The following PDE1C variants were observed in gnomAD, a reference collection of about 807,000 sequenced individuals.
PDE1C encodes dual specificity calcium/calmodulin-dependent 3',5'-cyclic nucleotide phosphodiesterase 1C.
A neutral mutation model predicts 93.1 loss-of-function variants in PDE1C; 62 were observed. The observed-to-expected ratio is 0.67, with a 90% CI of 0.54 to 0.82. The LOEUF (loss-of-function observed/expected upper bound fraction) is 0.82, where lower values mean the gene tolerates loss of function less well. PDE1C is among the 40% of genes least tolerant of loss of function. The pLI, the probability that PDE1C is intolerant of heterozygous loss-of-function variation, is 0.00. For missense variants in PDE1C, 742 were observed against 884.6 expected, an observed-to-expected ratio of 0.84 and a Z score of 2.04; for synonymous variants, 325 against 310.1, an observed-to-expected ratio of 1.05 and a Z score of -0.50.
At chr7:32,209,184 G>A (rs770397691) in intron 2 of PDE1C, among the ~76,000 whole-genome samples, 3 of 152,168 alleles carry the variant, frequency 2.0e-5, no homozygotes, top group African/African-American at 7.2e-5. Flanking sequence ...GTGGTCGGGG[G>A]ACTGAGGCTT....
At chr7:31,872,518 A>G (rs779380502) in intron 6 of PDE1C, among the ~76,000 whole-genome samples, 4 of 152,146 alleles carry the variant, frequency 2.6e-5, no homozygotes, top group Non-Finnish European at 5.9e-5. Context: ...CAATATTTGT[A>G]CCAATTAAAA....
At chr7:31,915,675 C>G (rs1801801618) in intron 2 of PDE1C, among the ~76,000 whole-genome samples, 1 of 152,064 alleles carries the variant, frequency 6.6e-6, no homozygotes, top group Non-Finnish European at 1.5e-5. Context: ...ACAGAGGTTA[C>G]TGTGATAATT....
chr7:31,672,950 T>G, the PDE1C span, among the ~76,000 whole-genome samples: 2 of 152,198 alleles, frequency 1.3e-5, no homozygotes, highest in Non-Finnish European at 2.9e-5. Context: ...GTTTGATAAG[T>G]GTCTTGTGCC....
intron 3 of PDE1C, among the ~76,000 whole-genome samples, chr7:32,112,828 G>T (rs957553385): frequency 3.2e-4 from 27 of 85,438 alleles, no homozygotes; most frequent in Admixed American, 1.6e-3. Flanking sequence ...GTGTGTGTGT[G>T]TGTGTGTGTG....
chr7:31,627,801 C>T, the PDE1C span, among the ~76,000 whole-genome samples: 1 of 151,596 alleles, frequency 6.6e-6, no homozygotes, highest in African/African-American at 2.4e-5. Flanking sequence ...AAAACAAAAA[C>T]TTCCTTTTTA....
At chr7:32,200,468 T>C (rs1804930536) in intron 2 of PDE1C, among the ~76,000 whole-genome samples, 1 of 152,230 alleles carries the variant, frequency 6.6e-6, no homozygotes, top group South Asian at 2.1e-4. Flanking sequence ...TACCCCTCTA[T>C]GCTAATGGGT....
In PDE1C at chr7:31,982,476, C is replaced by T. The variant is rs78191165; in HGVS notation, c.128+69078G>A. ...GGAAGATGAAAGGATAAAGGTAAAT[C>T]CAATTTACACAAGAATCAATACTGT... On this transcript the variant is annotated intron_variant, in intron 2 of 17. Transcript: ENST00000396191. Among the ~76,000 whole-genome samples the T allele has an allele frequency of 7.7e-3, 1,165 of 152,114 alleles. 16 individuals carry two copies. The highest frequency in any genetic ancestry group is 0.027 in the African/African-American group (1,112 of 41,502).
chr7:32,193,533 A>G (rs757651520), intron 2 of PDE1C, among the ~76,000 whole-genome samples: 2 of 152,152 alleles, frequency 1.3e-5, no homozygotes, highest in Non-Finnish European at 2.9e-5. Flanking sequence ...TGTTTTATAT[A>G]TTATTGAATT....
the PDE1C span, among the ~76,000 whole-genome samples, chr7:31,702,430 G>A: frequency 2.0e-5 from 3 of 152,204 alleles, no homozygotes; most frequent in African/African-American, 7.2e-5. Flanking sequence ...TCCTACCTAG[G>A]TTAATCCTCT....
intron 1 of PDE1C, among the ~76,000 whole-genome samples, chr7:32,384,862 T>C (rs1016231594): frequency 4.6e-5 from 7 of 152,196 alleles, no homozygotes; most frequent in African/African-American, 9.7e-5. Flanking sequence ...GGATTCTGCA[T>C]TTTTAATGAG....
chr7:32,090,405 C>A (rs1003605932), intron 3 of PDE1C, among the ~76,000 whole-genome samples: 2 of 152,178 alleles, frequency 1.3e-5, no homozygotes, highest in Admixed American at 6.5e-5. Context: ...GAGCAAGCCT[C>A]TAAATTCCAG....
intron 2 of PDE1C, among the ~76,000 whole-genome samples, chr7:31,922,680 G>A (rs1802774642): frequency 6.6e-6 from 1 of 152,166 alleles, no homozygotes; most frequent in African/African-American, 2.4e-5. Flanking sequence ...TGTATGAACT[G>A]CATCCTGTTT....
intron 16 of PDE1C, chr7:31,788,742 C>T (rs1368557795): frequency 6.6e-6 from 1 of 152,126 alleles, no homozygotes; most frequent in African/African-American, 2.4e-5. Flanking sequence ...ACAGGGAGCA[C>T]AACAGAAAAA....
intron 2 of PDE1C, among the ~76,000 whole-genome samples, chr7:31,972,717 G>T: frequency 6.6e-6 from 1 of 152,108 alleles, no homozygotes; most frequent in East Asian, 1.9e-4. Context: ...AAAAGTCAAG[G>T]AGCAGCACAG....
intron 1 of PDE1C, among the ~76,000 whole-genome samples, chr7:32,369,808 G>GCA (rs1467122372): frequency 5.9e-5 from 9 of 152,090 alleles, no homozygotes; most frequent in Non-Finnish European, 1.0e-4. Flanking sequence ...TTAGAATGAT[G>GCA]ATCATTAAAA....
At chr7:31,746,620 T>C (rs1225399671), downstream of PDE1C, among the ~76,000 whole-genome samples, 1 of 152,052 alleles carries the variant, frequency 6.6e-6, no homozygotes, top group Non-Finnish European at 1.5e-5. Context: ...AAAAATCAAA[T>C]ATAAGTATAT....
intron 3 of PDE1C, among the ~76,000 whole-genome samples, chr7:32,133,152 T>C (rs1313605437): frequency 3.9e-5 from 6 of 152,142 alleles, no homozygotes; most frequent in Admixed American, 3.9e-4. Context: ...AAAGTAAAGA[T>C]ATAAATTTGG....
intron 3 of PDE1C, among the ~76,000 whole-genome samples, chr7:32,086,810 A>AG (rs1171571814): frequency 1.2e-4 from 19 of 152,284 alleles, no homozygotes; most frequent in Non-Finnish European, 2.5e-4. Context: ...ATATGTAGAA[A>AG]CTGAAACTGG....
At chr7:31,741,173 G>T in the PDE1C span, among the ~76,000 whole-genome samples, 1 of 151,576 alleles carries the variant, frequency 6.6e-6, no homozygotes, top group African/African-American at 2.4e-5. Flanking sequence ...TTGTGGTGCT[G>T]TGACTTTTCA....
Sources: gnomAD v4.1 joint callset for allele counts (sites outside exome capture counted in the v4.1 genomes callset) on GRCh38, gnomAD v4.1.1 for gene constraint, MANE v1.5 for transcripts, NCBI Gene and HGNC (gene_info 2026-07-23, HGNC 2026-07-21) for gene names.